Variants in ZNF385D observed in about 807,000 individuals in gnomAD.
The protein encoded by ZNF385D is zinc finger protein 385D.
ZNF385D carries 15 observed loss-of-function variants against 35.8 expected under a neutral mutation model. The ratio of observed to expected loss-of-function variants is 0.42; its 90% CI spans 0.28 to 0.64. ZNF385D has a LOEUF of 0.64. Ranked by LOEUF, ZNF385D falls within the 30% of genes least tolerant of loss-of-function variation. ZNF385D has a pLI of 0.23. For synonymous variants in ZNF385D, 212 were observed against 186.8 expected, an observed-to-expected ratio of 1.13 and a Z score of -1.10; for missense variants, 474 against 494.6, an observed-to-expected ratio of 0.96 and a Z score of 0.39.
chr3:21,971,881 A>G (rs927044564), intron 3 of ZNF385D, among the ~76,000 whole-genome samples: 4 of 151,956 alleles, frequency 2.6e-5, no homozygotes, highest in African/African-American at 9.7e-5. Context: ...ACTATATGTA[A>G]TGATAAAGGG....
At position 22,322,290 on chromosome 3, in the gene ZNF385D, GATATATTTTAACTCCTTTATATCCTCAA is replaced by G. The variant is rs534060279; in HGVS notation, c.106+50132_106+50159del. Among the ~76,000 whole-genome samples the G allele has an allele frequency of 2.0e-4, 30 of 152,250 alleles. No homozygotes were observed. In the South Asian group the frequency reaches 5.2e-3, roughly 26 times the overall value. ...ATTTTCTTCACAGAGGGACATGGAT[GATATATTTTAACTCCTTTATATCCTCAA>G]ATATATTTTTTTGTCTACATAGGGA... On this transcript the variant is annotated intron_variant, in intron 2 of 5. Transcript: ENST00000494108.
At chr3:22,129,706 G>A (rs1187386191) in intron 3 of ZNF385D, among the ~76,000 whole-genome samples, 1 of 152,016 alleles carries the variant, frequency 6.6e-6, no homozygotes, top group Non-Finnish European at 1.5e-5. Context: ...CCAGGACTCA[G>A]TCTGTTTTTT....
chr3:21,681,712 A>ACGAAAAAAAAAAAAAC (rs1310005654), intron 1 of ZNF385D, among the ~76,000 whole-genome samples: 5 of 147,762 alleles, frequency 3.4e-5, no homozygotes, highest in African/African-American at 5.0e-5. Context: ...AAAAAAAAAC[A>ACGAAAAAAAAAAAAAC]AACAAAAAAG....
At chr3:21,970,437 G>A (rs1473113008) in intron 3 of ZNF385D, among the ~76,000 whole-genome samples, 2 of 151,146 alleles carry the variant, frequency 1.3e-5, no homozygotes, top group Non-Finnish European at 3.0e-5. Context: ...TCTCTTAACA[G>A]CAGAATTGAT....
intron 2 of ZNF385D, among the ~76,000 whole-genome samples, chr3:22,248,718 T>A (rs1440409109): frequency 1.3e-5 from 2 of 152,008 alleles, no homozygotes; most frequent in Non-Finnish European, 2.9e-5. Context: ...GGGCTGCAAA[T>A]TTTTTTACCA....
intron 2 of ZNF385D, among the ~76,000 whole-genome samples, chr3:22,366,609 T>G (rs1359991628): frequency 6.6e-6 from 1 of 152,200 alleles, no homozygotes; most frequent in Non-Finnish European, 1.5e-5. Context: ...TAATATTTTT[T>G]AAAAGATGAT....
intron 3 of ZNF385D, among the ~76,000 whole-genome samples, chr3:21,797,961 G>T (rs1209873184): frequency 6.6e-6 from 1 of 152,168 alleles, no homozygotes; most frequent in Admixed American, 6.5e-5. Flanking sequence ...AATATTAGAA[G>T]TGTATTCAAA....
rs575627325 is a variant in ZNF385D, at chr3:21,436,980, C to A, written c.663G>T (p.Ala221=). The A allele has an allele frequency of 4.3e-5, 70 of 1,613,446 alleles. No homozygotes were observed. Among genetic ancestry groups the A allele is most frequent in the Admixed American group, 6.7e-5 (4 of 59,928 alleles). The part of the protein sequence containing the change: ...VAVNSASQLE[A]HNSGTKHKTM... ...ATCGCTGCATCTCACCACTGTTGTG[C>A]GCCTCCAGCTGCGAGGCAGAGTTGA... Residue 221 remains alanine, a synonymous_variant, in exon 5 of 8, where the codon GCG becomes GCT. Transcript: ENST00000281523.
At chr3:21,548,259 C>G (rs577977446) in intron 3 of ZNF385D, among the ~76,000 whole-genome samples, 1 of 152,310 alleles carries the variant, frequency 6.6e-6, no homozygotes, top group South Asian at 2.1e-4. Context: ...CCACACCTGG[C>G]TGATACTGTT....
chr3:21,668,761 C>T (rs191344235), intron 1 of ZNF385D, among the ~76,000 whole-genome samples: 3 of 152,182 alleles, frequency 2.0e-5, no homozygotes, highest in East Asian at 1.9e-4. Context: ...AAATCAAAAC[C>T]GGCAAATATA....
At chr3:21,702,487 A>G (rs1312766466) in intron 1 of ZNF385D, among the ~76,000 whole-genome samples, 1 of 152,208 alleles carries the variant, frequency 6.6e-6, no homozygotes, top group Non-Finnish European at 1.5e-5. Flanking sequence ...GGTCTCTGAC[A>G]TGGCCTGGAA....
chr3:22,239,059 T>G (rs1699346418), intron 2 of ZNF385D, among the ~76,000 whole-genome samples: 1 of 150,910 alleles, frequency 6.6e-6, no homozygotes, highest in Non-Finnish European at 1.5e-5. Context: ...CAGACTAATT[T>G]TAATTTTTTA....
At chr3:21,833,480 AAC>A (rs1290993698) in intron 3 of ZNF385D, among the ~76,000 whole-genome samples, 2 of 152,162 alleles carry the variant, frequency 1.3e-5, no homozygotes, top group Non-Finnish European at 2.9e-5. Flanking sequence ...AAAAATTGTC[AAC>A]AGTCATCAGA....
chr3:22,297,960 G>C (rs984604125), intron 2 of ZNF385D, among the ~76,000 whole-genome samples: 1 of 151,822 alleles, frequency 6.6e-6, no homozygotes, highest in Non-Finnish European at 1.5e-5. Flanking sequence ...AGTTTTGTTT[G>C]GGCACAGAGA....
chr3:21,957,113 AT>A, intron 3 of ZNF385D: 2 of 161,376 alleles, frequency 1.2e-5, no homozygotes, highest in Non-Finnish European at 2.6e-5. Context: ...CTTCTTCCTC[AT>A]TTTCTCTTGC....
At chr3:22,370,465 T>C (rs1696852318) in intron 2 of ZNF385D, among the ~76,000 whole-genome samples, 1 of 152,194 alleles carries the variant, frequency 6.6e-6, no homozygotes, top group African/African-American at 2.4e-5. Context: ...TTATTTCACA[T>C]CTACAAATTC....
chr3:21,492,415 A>G (rs547023110), intron 4 of ZNF385D, among the ~76,000 whole-genome samples: 1 of 151,398 alleles, frequency 6.6e-6, no homozygotes, highest in South Asian at 2.1e-4. Context: ...AACAAGAAAC[A>G]AGACCAAAAA....
chr3:22,189,790 A>G (rs1236945264), intron 2 of ZNF385D, among the ~76,000 whole-genome samples: 2 of 152,158 alleles, frequency 1.3e-5, no homozygotes, highest in Non-Finnish European at 2.9e-5. Context: ...GGCATACCTC[A>G]AAACAGCCAT....
chr3:22,008,149 G>C (rs1233889134), intron 3 of ZNF385D, among the ~76,000 whole-genome samples: 1 of 151,802 alleles, frequency 6.6e-6, no homozygotes, highest in Non-Finnish European at 1.5e-5. Flanking sequence ...TATTTAGATG[G>C]GTGTTGGAAC....
Sources: allele counts gnomAD v4.1 joint callset (sites outside exome capture counted in the v4.1 genomes callset), GRCh38; gene constraint gnomAD v4.1.1; transcripts MANE v1.5; gene names NCBI Gene and HGNC (gene_info 2026-07-23, HGNC 2026-07-21).